The following GTF2A1L variants were observed in gnomAD, a reference collection of about 807,000 sequenced individuals.
GTF2A1L encodes the protein TFIIA-alpha and beta-like factor.
In GTF2A1L, 48 loss-of-function variants were observed where a neutral mutation model predicts 49.7. The ratio of observed to expected loss-of-function variants is 0.97; its 90% CI spans 0.77 to 1.23. The LOEUF is 1.23. Among genes scored for constraint, GTF2A1L ranks in the 50% most tolerant of loss-of-function variants. The probability of loss-of-function intolerance (pLI) is 0.00; values close to 1 mark genes in which losing one functional copy is unlikely to be tolerated. For synonymous variants in GTF2A1L, 246 were observed against 193.5 expected (o/e 1.27, Z -2.25); for missense variants, 736 against 564.8 (o/e 1.30, Z -3.07).
intron 3 of GTF2A1L, 113 bp downstream of exon 3, chr2:48,621,403 C>T: frequency 7.1e-7 from 1 of 1,410,974 alleles, no homozygotes; most frequent in Non-Finnish European, 9.6e-7. Context: ...GCTTGGACAC[C>T]TAAATCATTT....
At chr2:48,656,348 GTTTTTTTTTTTTTTTT>G (rs367837291) in intron 6 of GTF2A1L, among the ~76,000 whole-genome samples, 1 of 114,560 alleles carries the variant, frequency 8.7e-6, no homozygotes, top group African/African-American at 3.5e-5. Context: ...CTTATTTTCT[GTTTTTTTTTTTTTTTT>G]TTTTTTTTTT....
intron 3 of GTF2A1L, among the ~76,000 whole-genome samples, chr2:48,623,611 C>G (rs1421405269): frequency 6.6e-6 from 1 of 152,192 alleles, no homozygotes. Context: ...GACACCCACA[C>G]TTGTATGTTT....
Position 48,646,752 on chromosome 2 carries a change from G to C in GTF2A1L, c.688G>C (p.Glu230Gln), listed in dbSNP as rs754690208. 6.2e-7 allele frequency: 1 copy of C among 1,614,198 alleles called. No individual in the cohort carries two copies. The highest frequency in any genetic ancestry group is 2.2e-5 in the East Asian group (1 of 44,884). The change falls in exon 6 of 9, where the codon GAA (glutamate) becomes CAA (glutamine). Residue 230 changes from glutamate to glutamine, a missense_variant. Transcript: ENST00000403751. Reference sequence around the variant, plus strand: ...TGGAAATGAGCATAAAATCGTGCCTGAAGCTTTGTTGTGTCATCAGGAAAG... The same window carrying C: ...TGGAAATGAGCATAAAATCGTGCCTCAAGCTTTGTTGTGTCATCAGGAAAG... ...SPGNEHKIVPEALLCHQESSH... is the reference protein window; with the variant it reads ...SPGNEHKIVPQALLCHQESSH...
At chr2:48,659,731 A>G (rs1191792965) in intron 6 of GTF2A1L, among the ~76,000 whole-genome samples, 1 of 152,028 alleles carries the variant, frequency 6.6e-6, no homozygotes, top group East Asian at 1.9e-4. Flanking sequence ...TTTTGGTGCT[A>G]TTGAAAATGA....
At chr2:48,673,648 A>C (rs1679296266) in intron 8 of GTF2A1L, among the ~76,000 whole-genome samples, 2 of 152,148 alleles carry the variant, frequency 1.3e-5, no homozygotes, top group African/African-American at 4.8e-5. Flanking sequence ...CACTGCACCC[A>C]GCCGACACAG....
intron 6 of GTF2A1L, among the ~76,000 whole-genome samples, chr2:48,667,092 G>A (rs1250264251): frequency 6.7e-6 from 1 of 150,198 alleles, no homozygotes; most frequent in Non-Finnish European, 1.5e-5. Context: ...CACCTCTTCA[G>A]CATGCACCAC....
At position 48,623,787 on chromosome 2, in the gene GTF2A1L, A is replaced by G. The variant is rs113150611; in HGVS notation, c.247+2497A>G. Reference sequence around the variant, plus strand: ...CAACATGGGTGTTGCTGGGGCCATTATCCTAAGTGAATTAACACAGGAACA... The same window carrying G: ...CAACATGGGTGTTGCTGGGGCCATTGTCCTAAGTGAATTAACACAGGAACA... On this transcript the variant is annotated intron_variant, in intron 3 of 8. Coordinates refer to ENST00000403751, the MANE Select transcript of GTF2A1L (RefSeq NM_006872.5). 2.6e-3 allele frequency among the ~76,000 whole-genome samples: 395 copies of G among 152,330 alleles called. 6 individuals carry two copies. Among genetic ancestry groups the G allele is most frequent in the African/African-American group, 9.2e-3 (383 of 41,568 alleles).
At chr2:48,639,739 A>G (rs1677100225) in intron 3 of GTF2A1L, among the ~76,000 whole-genome samples, 1 of 152,232 alleles carries the variant, frequency 6.6e-6, no homozygotes, top group Admixed American at 6.5e-5. Flanking sequence ...ACAGTGAAAG[A>G]AACTATCAAC....
chr2:48,650,741 A>T (rs188149601), intron 6 of GTF2A1L, among the ~76,000 whole-genome samples: 1 of 152,192 alleles, frequency 6.6e-6, no homozygotes, highest in Admixed American at 6.5e-5. Flanking sequence ...ATATTAAGAT[A>T]TATTTCATTC....
At chr2:48,625,907 G>A (rs764053115) in intron 3 of GTF2A1L, among the ~76,000 whole-genome samples, 1 of 143,748 alleles carries the variant, frequency 7.0e-6, no homozygotes, top group Non-Finnish European at 1.6e-5. Flanking sequence ...TTTGTAGCCC[G>A]AGCTTTTGGT....
intron 8 of GTF2A1L, among the ~76,000 whole-genome samples, 153 bp from the exon 9 acceptor site, chr2:48,679,182 A>T (rs1679630495): frequency 6.6e-6 from 1 of 152,086 alleles, no homozygotes; most frequent in Non-Finnish European, 1.5e-5. Flanking sequence ...AGGAACTCAA[A>T]TGTTTATGGA....
Position 48,629,235 on chromosome 2 carries a change from C to T in GTF2A1L, c.247+7945C>T, listed in dbSNP as rs529882129. On this transcript the variant is annotated intron_variant, in intron 3 of 8. Coordinates refer to ENST00000403751, the MANE Select transcript of GTF2A1L (RefSeq NM_006872.5). ...TAGCCTGGGCAACAGAGCGAGACTCCGTCTCAAAAAAAAAAAAAGTGACTT... is the reference window on the plus strand; with the variant it reads ...TAGCCTGGGCAACAGAGCGAGACTCTGTCTCAAAAAAAAAAAAAGTGACTT... Among the ~76,000 whole-genome samples the T allele has an allele frequency of 7.9e-5, 11 of 139,936 alleles. 1 individual carries two copies. The highest frequency in any genetic ancestry group is 2.3e-4 in the African/African-American group (9 of 39,362). 91.8% of individuals were successfully genotyped at this position (139,936 alleles called of 152,430 possible).
chr2:48,671,119 G>C (rs1441358460), intron 7 of GTF2A1L, among the ~76,000 whole-genome samples: 1 of 152,006 alleles, frequency 6.6e-6, no homozygotes, highest in African/African-American at 2.4e-5. Context: ...ACTGCACCCG[G>C]CTCAAACAGG....
At chr2:48,653,020 G>A (rs1677950395) in intron 6 of GTF2A1L, among the ~76,000 whole-genome samples, 1 of 151,744 alleles carries the variant, frequency 6.6e-6, no homozygotes, top group Non-Finnish European at 1.5e-5. Flanking sequence ...ACAAGGTCAG[G>A]AGATCAAGAT....
At chr2:48,639,741 A>G (rs1471623853) in intron 3 of GTF2A1L, among the ~76,000 whole-genome samples, 1 of 152,216 alleles carries the variant, frequency 6.6e-6, no homozygotes, top group Non-Finnish European at 1.5e-5. Flanking sequence ...AGTGAAAGAA[A>G]CTATCAACAG....
chr2:48,670,244 A>G (rs887658632), intron 7 of GTF2A1L, among the ~76,000 whole-genome samples: 3 of 150,794 alleles, frequency 2.0e-5, no homozygotes, highest in Admixed American at 6.6e-5. Context: ...TAAAACAAAA[A>G]TTAGCAGGGC....
chr2:48,620,215 T>C (rs1413505074), intron 1 of GTF2A1L, among the ~76,000 whole-genome samples: 1 of 151,888 alleles, frequency 6.6e-6, no homozygotes. Flanking sequence ...TTAAAAGGAG[T>C]TGAGGAGGTT....
At chr2:48,672,466 G>A (rs1679224141) in intron 8 of GTF2A1L, among the ~76,000 whole-genome samples, 2 of 152,188 alleles carry the variant, frequency 1.3e-5, no homozygotes, top group South Asian at 2.1e-4. Context: ...AAAGCCAGAT[G>A]TGTTTGATTT....
intron 8 of GTF2A1L, among the ~76,000 whole-genome samples, chr2:48,674,204 T>G (rs1290923621): frequency 6.6e-6 from 1 of 152,178 alleles, no homozygotes; most frequent in East Asian, 1.9e-4. Context: ...GCTGTACTAT[T>G]TTACATTCTT....
Sources: allele counts gnomAD v4.1 joint callset (sites outside exome capture counted in the v4.1 genomes callset), GRCh38; gene constraint gnomAD v4.1.1; transcripts MANE v1.5; gene names NCBI Gene and HGNC (gene_info 2026-07-23, HGNC 2026-07-21).